MAGI1: variants seen among roughly 807,000 people sequenced by gnomAD.
The protein encoded by MAGI1 is membrane-associated guanylate kinase, WW and PDZ domain-containing protein 1.
A neutral mutation model predicts 139.9 loss-of-function variants in MAGI1; 58 were observed. That is an observed-to-expected ratio of 0.41 (90% confidence interval 0.34 to 0.52). The LOEUF (loss-of-function observed/expected upper bound fraction) is 0.52. MAGI1 is among the 20% of genes least tolerant of loss of function. The pLI, the probability that MAGI1 is intolerant of heterozygous loss-of-function variation, is 0.12. For synonymous variants in MAGI1, 812 were observed against 737.9 expected, an observed-to-expected ratio of 1.10 and a Z score of -1.63; for missense variants, 1,874 against 1,901.6, an observed-to-expected ratio of 0.99 and a Z score of 0.27.
At chr3:65,933,261 A>C (rs900596282) in intron 1 of MAGI1, among the ~76,000 whole-genome samples, 5 of 152,256 alleles carry the variant, frequency 3.3e-5, no homozygotes, top group Non-Finnish European at 5.9e-5. Context: ...AGTAAGGAAC[A>C]GTTTAGTTCG....
intron 20 of MAGI1, 62 bp downstream of exon 20, chr3:65,364,603 T>C (rs1559893072): frequency 7.0e-7 from 1 of 1,419,536 alleles, no homozygotes. Flanking sequence ...CCCATAAAAG[T>C]AGCTTGAGAA....
chr3:65,772,227 T>C (rs2038015310), intron 1 of MAGI1, among the ~76,000 whole-genome samples: 1 of 152,048 alleles, frequency 6.6e-6, no homozygotes, highest in Non-Finnish European at 1.5e-5. Context: ...AAGACAACAA[T>C]ATAACCTATT....
intron 2 of MAGI1, among the ~76,000 whole-genome samples, chr3:65,569,304 A>T (rs1012732623): frequency 6.6e-6 from 1 of 152,190 alleles, no homozygotes; most frequent in Non-Finnish European, 1.5e-5. Context: ...ACTGTCATTT[A>T]ATGAGTACAT....
chr3:65,769,772 T>C (rs1472478785), intron 1 of MAGI1, among the ~76,000 whole-genome samples: 2 of 152,226 alleles, frequency 1.3e-5, no homozygotes, highest in African/African-American at 2.4e-5. Flanking sequence ...ACTATCTCTA[T>C]GTAACAGTGC....
chr3:65,508,273 G>A (rs1364716208), intron 2 of MAGI1, among the ~76,000 whole-genome samples: 1 of 151,960 alleles, frequency 6.6e-6, no homozygotes, highest in Non-Finnish European at 1.5e-5. Flanking sequence ...GCGTGGCAGT[G>A]GGCGCCTGTA....
At chr3:65,433,134 T>C (rs548278509) in intron 10 of MAGI1, among the ~76,000 whole-genome samples, 45 of 152,208 alleles carry the variant, frequency 3.0e-4, no homozygotes, top group Non-Finnish European at 5.1e-4. Context: ...TCTAGAATAT[T>C]GTCTGGTACA....
At chr3:65,784,567 C>T (rs529498602) in intron 1 of MAGI1, among the ~76,000 whole-genome samples, 4 of 151,918 alleles carry the variant, frequency 2.6e-5, no homozygotes, top group East Asian at 2.0e-4. Flanking sequence ...TAGCTGGGCG[C>T]GGTGACGGGC....
chr3:66,007,429 C>G (rs6445525), intron 1 of MAGI1, among the ~76,000 whole-genome samples: 69,554 of 152,104 alleles, frequency 0.46, 17,138 homozygotes, highest in East Asian at 0.73. Flanking sequence ...AATCTAATCG[C>G]TGCCTGAGAA....
At chr3:65,470,516 AGAGAGAG>A in intron 4 of MAGI1, 32 bp from the exon 5 acceptor site, 2 of 1,389,770 alleles carry the variant, frequency 1.4e-6, no homozygotes, top group Non-Finnish European at 9.8e-7. Flanking sequence ...TGAGAGAGAG[AGAGAGAG>A]AAAAAAAAAA....
At chr3:65,493,846 T>C (rs961599073) in intron 2 of MAGI1, among the ~76,000 whole-genome samples, 1 of 152,062 alleles carries the variant, frequency 6.6e-6, no homozygotes, top group Non-Finnish European at 1.5e-5. Context: ...GGACCCCAAA[T>C]GGGAGAGAGA....
chr3:65,687,752 C>T, intron 1 of MAGI1: 1 of 554,644 alleles, frequency 1.8e-6, no homozygotes, highest in South Asian at 1.4e-5. Context: ...CAGGATCCTT[C>T]TGAAGTTTTG....
intron 2 of MAGI1, among the ~76,000 whole-genome samples, chr3:65,546,354 C>T (rs769157723): frequency 2.0e-5 from 3 of 152,166 alleles, no homozygotes; most frequent in Non-Finnish European, 2.9e-5. Flanking sequence ...TGTATTTTCA[C>T]TCTATTGTAA....
At chr3:65,651,449 G>A (rs887080321) in intron 1 of MAGI1, among the ~76,000 whole-genome samples, 1 of 152,114 alleles carries the variant, frequency 6.6e-6, no homozygotes, top group African/African-American at 2.4e-5. Flanking sequence ...AGATCTGGCA[G>A]CTAGAACCCC....
intron 11 of MAGI1, 113 bp downstream of exon 11, chr3:65,430,586 C>A: frequency 1.2e-5 from 13 of 1,080,548 alleles, no homozygotes; most frequent in Non-Finnish European, 1.7e-5. Flanking sequence ...TAAACATGTG[C>A]AATCATGACG....
At chr3:65,606,873 G>C (rs907982979) in intron 2 of MAGI1, among the ~76,000 whole-genome samples, 11 of 151,958 alleles carry the variant, frequency 7.2e-5, no homozygotes, top group Non-Finnish European at 1.6e-4. Context: ...GCTTAGGCTG[G>C]TCTCAAACTC....
chr3:65,525,042 C>T (rs1357241196), intron 2 of MAGI1, among the ~76,000 whole-genome samples: 1 of 152,140 alleles, frequency 6.6e-6, no homozygotes, highest in African/African-American at 2.4e-5. Flanking sequence ...AAATCATTCT[C>T]CTCTCCCCTT....
At chr3:65,457,961 C>T (rs1204117433) in intron 5 of MAGI1, among the ~76,000 whole-genome samples, 2 of 152,112 alleles carry the variant, frequency 1.3e-5, no homozygotes, top group Non-Finnish European at 2.9e-5. Flanking sequence ...CACCACCCTT[C>T]CCAGCCTCTG....
intron 1 of MAGI1, among the ~76,000 whole-genome samples, chr3:65,809,033 G>A (rs569214323): frequency 1.3e-5 from 2 of 152,180 alleles, no homozygotes; most frequent in African/African-American, 2.4e-5. Flanking sequence ...TTTAATCTGA[G>A]AGAAATATTT....
chr3:65,668,115 G>A (rs2086640013), intron 1 of MAGI1, among the ~76,000 whole-genome samples: 1 of 152,144 alleles, frequency 6.6e-6, no homozygotes, highest in Non-Finnish European at 1.5e-5. Flanking sequence ...TCACTAACAG[G>A]CCATGTGACC....
Sources: allele counts gnomAD v4.1 joint callset (sites outside exome capture counted in the v4.1 genomes callset), GRCh38; gene constraint gnomAD v4.1.1; transcripts MANE v1.5; gene names NCBI Gene and HGNC (gene_info 2026-07-23, HGNC 2026-07-21).